PHF24: variants seen among roughly 807,000 people sequenced by gnomAD.
PHF24 encodes PHD finger protein 24, also known as Galpha inhibitory interacting protein.
PHF24 carries 25 observed loss-of-function variants against 42.6 expected under a neutral mutation model. The observed-to-expected ratio is 0.59, with a 90% confidence interval of 0.43 to 0.82. The LOEUF is 0.82. Ranked by LOEUF, PHF24 falls within the 40% of genes least tolerant of loss-of-function variation. The pLI is 0.00. For missense variants in PHF24, 470 were observed against 538.1 expected, an observed-to-expected ratio of 0.87 and a Z score of 1.25; for synonymous variants, 185 against 204.8, an observed-to-expected ratio of 0.90 and a Z score of 0.83.
the PHF24 span, chr9:34,895,807 C>G: frequency 2.5e-6 from 1 of 398,274 alleles, no homozygotes; most frequent in Non-Finnish European, 4.4e-6. Context: ...CTCGTCATTT[C>G]TGCCTCACAG....
the PHF24 span, among the ~76,000 whole-genome samples, chr9:34,913,125 A>C: frequency 6.6e-6 from 1 of 152,170 alleles, no homozygotes; most frequent in Non-Finnish European, 1.5e-5. Context: ...GACCAATAGA[A>C]ATTTTCAATC....
At chr9:34,942,298 AAAG>A in the PHF24 span, among the ~76,000 whole-genome samples, 1 of 152,196 alleles carries the variant, frequency 6.6e-6, no homozygotes, top group Non-Finnish European at 1.5e-5. Context: ...TCCAGATCCC[AAAG>A]AAGTCTGCTG....
At chr9:34,800,626 C>A in the PHF24 span, among the ~76,000 whole-genome samples, 13 of 151,916 alleles carry the variant, frequency 8.6e-5, no homozygotes, top group Non-Finnish European at 1.5e-4. Flanking sequence ...TGCAGAAAAC[C>A]GAAACTGGAC....
chr9:34,901,228 A>G, the PHF24 span, among the ~76,000 whole-genome samples: 1 of 152,250 alleles, frequency 6.6e-6, no homozygotes, highest in Non-Finnish European at 1.5e-5. Context: ...AGAAGAGAAT[A>G]CTTCTCAATT....
At chr9:34,841,374 T>A in the PHF24 span, among the ~76,000 whole-genome samples, 1 of 152,222 alleles carries the variant, frequency 6.6e-6, no homozygotes. Flanking sequence ...TTCCACCTTT[T>A]TGCTGTCGTG....
the PHF24 span, among the ~76,000 whole-genome samples, chr9:34,762,311 C>T: frequency 1.4e-5 from 2 of 146,206 alleles, no homozygotes; most frequent in East Asian, 4.1e-4. Context: ...ACAGTCCCAC[C>T]AACAGTGTAA....
At chr9:34,843,220 AG>A in the PHF24 span, among the ~76,000 whole-genome samples, 3 of 152,220 alleles carry the variant, frequency 2.0e-5, no homozygotes, top group Admixed American at 6.5e-5. Flanking sequence ...CCACATTATG[AG>A]CTCTAAAATA....
chr9:34,735,082 A>G, the PHF24 span, among the ~76,000 whole-genome samples: 4 of 151,842 alleles, frequency 2.6e-5, no homozygotes, highest in African/African-American at 9.7e-5. Context: ...AGGTATAAAA[A>G]TGATTTAACT....
At chr9:34,675,604 TCTTGAGCAATAGCATACACCC>T in the PHF24 span, among the ~76,000 whole-genome samples, 2 of 152,026 alleles carry the variant, frequency 1.3e-5, no homozygotes, top group Admixed American at 1.3e-4. Context: ...TAGGGGGAAG[TCTTGAGCAATAGCATACACCC>T]CTTCCCTGCG....
the PHF24 span, among the ~76,000 whole-genome samples, chr9:34,752,509 G>T: frequency 1.3e-5 from 2 of 152,104 alleles, no homozygotes; most frequent in South Asian, 4.1e-4. Flanking sequence ...AACCTGAACA[G>T]TTCAGTAACA....
chr9:34,789,745 ATATC>A, the PHF24 span, among the ~76,000 whole-genome samples: 84 of 152,368 alleles, frequency 5.5e-4, 2 homozygotes, highest in East Asian at 0.016. Context: ...CTAAAAGAAA[ATATC>A]TATTTAGGAA....
the PHF24 span, among the ~76,000 whole-genome samples, chr9:34,872,289 C>A: frequency 6.7e-6 from 1 of 149,590 alleles, no homozygotes; most frequent in South Asian, 2.1e-4. Flanking sequence ...ATGTGCCATG[C>A]TGGTGCGCTG....
At chr9:34,907,570 A>G in the PHF24 span, among the ~76,000 whole-genome samples, 3 of 152,314 alleles carry the variant, frequency 2.0e-5, no homozygotes, top group Admixed American at 1.3e-4. Context: ...AGTATTTTAC[A>G]TAATTGATAA....
chr9:34,876,212 G>A, the PHF24 span, among the ~76,000 whole-genome samples: 1,453 of 151,992 alleles, frequency 9.6e-3, 7 homozygotes, highest in Non-Finnish European at 0.016. Context: ...GATGTTTATC[G>A]CAGCTTTATT....
chr9:34,744,007 G>A, the PHF24 span, among the ~76,000 whole-genome samples: 21 of 152,198 alleles, frequency 1.4e-4, no homozygotes, highest in South Asian at 2.3e-3. Flanking sequence ...ACCTGCTCCT[G>A]TGATAACGGC....
the PHF24 span, among the ~76,000 whole-genome samples, chr9:34,776,880 T>C: frequency 1.3e-5 from 2 of 152,250 alleles, no homozygotes; most frequent in South Asian, 4.1e-4. Context: ...AGGGGAGGAC[T>C]TTTTCCTGAA....
the PHF24 span, among the ~76,000 whole-genome samples, chr9:34,849,356 T>C: frequency 6.6e-6 from 1 of 152,154 alleles, no homozygotes; most frequent in African/African-American, 2.4e-5. Flanking sequence ...CATTATGTAA[T>C]GGCCTTCTTT....
At chr9:34,813,293 T>C in the PHF24 span, among the ~76,000 whole-genome samples, 2 of 152,188 alleles carry the variant, frequency 1.3e-5, no homozygotes, top group Admixed American at 6.5e-5. Context: ...TACCCACATA[T>C]GCATTGCTAC....
At chr9:34,848,798 A>G in the PHF24 span, among the ~76,000 whole-genome samples, 3 of 151,576 alleles carry the variant, frequency 2.0e-5, no homozygotes, top group Non-Finnish European at 4.4e-5. Context: ...CTGGTATGTT[A>G]TGTCTTTGTT....
Sources: gnomAD v4.1 joint callset for allele counts (sites outside exome capture counted in the v4.1 genomes callset) on GRCh38, gnomAD v4.1.1 for gene constraint, MANE v1.5 for transcripts, NCBI Gene and HGNC (gene_info 2026-07-23, HGNC 2026-07-21) for gene names.